The following CSMD1 variants were observed in gnomAD, a reference collection of about 807,000 sequenced individuals.
CSMD1 encodes CUB and Sushi multiple domains 1, also known as CUB and sushi domain-containing protein 1.
Under a neutral mutation model 417.5 loss-of-function variants are expected in CSMD1, and 213 were observed. That is an observed-to-expected ratio of 0.51 (90% CI 0.46 to 0.57). CSMD1 has a LOEUF of 0.57. CSMD1 is among the 20% of genes least tolerant of loss of function. CSMD1 has a pLI of 0.00. For synonymous variants in CSMD1, 2,862 were observed against 1,736.8 expected (o/e 1.65, Z -16.11); for missense variants, 6,923 against 4,529.7 (o/e 1.53, Z -15.17).
chr8:4,758,028 C>G (rs994877527), intron 1 of CSMD1, among the ~76,000 whole-genome samples: 1 of 151,056 alleles, frequency 6.6e-6, no homozygotes, highest in Non-Finnish European at 1.5e-5. Flanking sequence ...GGATTTACTG[C>G]ACAAACTCCC....
intron 3 of CSMD1, among the ~76,000 whole-genome samples, chr8:4,320,243 A>T (rs368279431): frequency 7.0e-4 from 106 of 152,230 alleles, no homozygotes; most frequent in Non-Finnish European, 1.1e-3. Context: ...GCATGAAAAG[A>T]AACAGGAAAA....
chr8:4,838,449 G>C (rs992729615), intron 1 of CSMD1, among the ~76,000 whole-genome samples: 7 of 152,184 alleles, frequency 4.6e-5, no homozygotes, highest in African/African-American at 1.7e-4. Flanking sequence ...AGAGGGAAGG[G>C]AAACAAGAAA....
chr8:3,501,311 C>T (rs1022733684), intron 10 of CSMD1, among the ~76,000 whole-genome samples: 4 of 152,124 alleles, frequency 2.6e-5, no homozygotes, highest in African/African-American at 9.7e-5. Context: ...AAAATGTATG[C>T]ATCATTGGGT....
At chr8:4,207,067 G>A (rs548798493) in intron 3 of CSMD1, among the ~76,000 whole-genome samples, 12 of 152,184 alleles carry the variant, frequency 7.9e-5, no homozygotes, top group African/African-American at 1.2e-4. Flanking sequence ...TTTGCAAGAG[G>A]TGTATTATGA....
At chr8:3,066,412 C>T (rs1342046893) in intron 49 of CSMD1, among the ~76,000 whole-genome samples, 1 of 152,312 alleles carries the variant, frequency 6.6e-6, no homozygotes, top group African/African-American at 2.4e-5. Flanking sequence ...TGAGAACTCC[C>T]TTCTTGCTGA....
intron 3 of CSMD1, among the ~76,000 whole-genome samples, chr8:4,160,468 A>C (rs1309418463): frequency 6.6e-6 from 1 of 152,190 alleles, no homozygotes; most frequent in Non-Finnish European, 1.5e-5. Context: ...AGTGTTGGTC[A>C]TGTGTCTTCA....
chr8:3,158,387 G>A (rs965052400), intron 38 of CSMD1, among the ~76,000 whole-genome samples: 2 of 152,096 alleles, frequency 1.3e-5, no homozygotes, highest in Admixed American at 6.6e-5. Flanking sequence ...TACAAAGTCT[G>A]CTTATGGAGA....
At position 4,067,471 on chromosome 8, in the gene CSMD1, T is replaced by A. The variant is rs563231473; in HGVS notation, c.416-35372A>T. 1.5e-4 allele frequency among the ~76,000 whole-genome samples: 19 copies of A among 130,386 alleles called. 1 individual carries two copies. Among genetic ancestry groups the A allele is most frequent in the Middle Eastern group, 7.7e-3 (2 of 260 alleles). 85.5% of individuals were successfully genotyped at this position (130,386 alleles called of 152,430 possible). On this transcript the variant is annotated intron_variant, in intron 3 of 69. Coordinates refer to ENST00000635120, the MANE Select transcript of CSMD1 (RefSeq NM_033225.6). ...CAGTGGTATATCAGTTCTTTTCACA[T>A]GAAATAAATTACTTTTTTTTTTAAT... is the stretch of plus-strand genomic sequence containing the variant.
intron 40 of CSMD1, among the ~76,000 whole-genome samples, chr8:3,146,887 G>A (rs1426358476): frequency 6.6e-6 from 1 of 152,184 alleles, no homozygotes; most frequent in East Asian, 1.9e-4. Context: ...ACTGGCAACT[G>A]CTTAACTCCT....
At chr8:4,690,548 C>T (rs1483952458) in intron 1 of CSMD1, among the ~76,000 whole-genome samples, 2 of 152,098 alleles carry the variant, frequency 1.3e-5, no homozygotes, top group African/African-American at 4.8e-5. Flanking sequence ...CATGACACAT[C>T]GCACTTCAGA....
At chr8:4,482,176 T>C (rs1336773366) in intron 2 of CSMD1, among the ~76,000 whole-genome samples, 1 of 152,138 alleles carries the variant, frequency 6.6e-6, no homozygotes, top group African/African-American at 2.4e-5. Flanking sequence ...GTTTGCTGTA[T>C]AGATTATTTC....
In CSMD1 at chr8:3,682,770, T is replaced by C. The variant is rs535043289; in HGVS notation, c.1009+25644A>G. On this transcript the variant is annotated intron_variant, in intron 7 of 69. Transcript: ENST00000635120. Reference sequence around the variant, plus strand: ...ATGTTTATTGCGGCACTATTCACAATAGCAAAGACTTGGATCCAACCTAAA... The same window carrying C: ...ATGTTTATTGCGGCACTATTCACAACAGCAAAGACTTGGATCCAACCTAAA... Among the ~76,000 whole-genome samples, 541 of 152,258 alleles carry C rather than the reference T, an allele frequency of 3.6e-3. 3 individuals carry two copies. The highest frequency in any genetic ancestry group is 6.3e-3 in the Non-Finnish European group (427 of 68,016).
chr8:4,222,120 G>C (rs1219219676), intron 3 of CSMD1, among the ~76,000 whole-genome samples: 1 of 150,726 alleles, frequency 6.6e-6, no homozygotes, highest in Non-Finnish European at 1.5e-5. Context: ...AAAAAAAACA[G>C]AAGCAAGTAG....
At chr8:3,523,853 G>T (rs1032115324) in intron 10 of CSMD1, among the ~76,000 whole-genome samples, 2 of 108,444 alleles carry the variant, frequency 1.8e-5, no homozygotes, top group Admixed American at 9.5e-5. Flanking sequence ...ACATGTGCAT[G>T]CGCATGCACA....
chr8:3,271,243 A>G (rs1003712551), intron 26 of CSMD1, among the ~76,000 whole-genome samples: 19 of 152,072 alleles, frequency 1.2e-4, no homozygotes, highest in African/African-American at 4.1e-4. Context: ...CCATGTCCCT[A>G]CAAAGCACAT....
chr8:3,186,685 A>AAT (rs1282262466), intron 36 of CSMD1, among the ~76,000 whole-genome samples: 6 of 152,208 alleles, frequency 3.9e-5, no homozygotes, highest in African/African-American at 1.4e-4. Context: ...GTTAAGAAAA[A>AAT]ATATATATTC....
intron 10 of CSMD1, among the ~76,000 whole-genome samples, chr8:3,522,683 A>T (rs558042122): frequency 7.2e-5 from 11 of 152,100 alleles, no homozygotes; most frequent in African/African-American, 2.7e-4. Context: ...TGAGGAGTAG[A>T]TCAGTCGTCC....
chr8:4,182,740 A>G (rs1798447954), intron 3 of CSMD1, among the ~76,000 whole-genome samples: 1 of 151,662 alleles, frequency 6.6e-6, no homozygotes, highest in Non-Finnish European at 1.5e-5. Context: ...AAATAATGGA[A>G]CATCATTTTT....
chr8:3,966,374 C>G (rs1435399808), intron 5 of CSMD1, among the ~76,000 whole-genome samples: 1 of 152,108 alleles, frequency 6.6e-6, no homozygotes, highest in Non-Finnish European at 1.5e-5. Context: ...ACATCCAAGT[C>G]TTGCGTCTTG....
Sources: allele counts gnomAD v4.1 joint callset (sites outside exome capture counted in the v4.1 genomes callset), GRCh38; gene constraint gnomAD v4.1.1; transcripts MANE v1.5; gene names NCBI Gene and HGNC (gene_info 2026-07-23, HGNC 2026-07-21).